The following PCDHGA10 variants were observed in gnomAD, a reference collection of about 807,000 sequenced individuals.
PCDHGA10 encodes the protein protocadherin gamma subfamily A, 10.
PCDHGA10 carries 42 observed loss-of-function variants against 59.5 expected under a neutral mutation model. The observed-to-expected ratio is 0.71, with a 90% CI of 0.55 to 0.91. The LOEUF (loss-of-function observed/expected upper bound fraction) is 0.91, where lower values mean the gene tolerates loss of function less well. Ranked by LOEUF, PCDHGA10 falls within the 40% of genes least tolerant of loss-of-function variation. The probability of loss-of-function intolerance (pLI) is 0.00; values close to 1 mark genes in which losing one functional copy is unlikely to be tolerated. For synonymous variants in PCDHGA10, 511 were observed against 517.2 expected (o/e 0.99, Z 0.16); for missense variants, 1,111 against 1,198.2 (o/e 0.93, Z 1.07).
Position 141,431,732 on chromosome 5 carries a change from G to C in PCDHGA10, c.2436+16121G>C. 1 of 1,614,238 alleles carries C rather than the reference G, an allele frequency of 6.2e-7. No individual in the cohort carries two copies. Among genetic ancestry groups the C allele is most frequent in the Non-Finnish European group, 8.5e-7 (1 of 1,180,046 alleles). On this transcript the variant is annotated intron_variant, in intron 1 of 3. Coordinates refer to ENST00000398610, the MANE Select transcript of PCDHGA10 (RefSeq NM_018913.3). The surrounding 1 kb of genome is among the most constrained non-coding windows in gnomAD (Gnocchi z 4.8). ...GATGGAAGTGCAAGCAATGGATAAT[G>C]CAGGATATTCTGCGCGAGCCAAAGT...
chr5:141,474,628 A>C (rs1169097645), intron 1 of PCDHGA10, among the ~76,000 whole-genome samples: 1 of 152,234 alleles, frequency 6.6e-6, no homozygotes, highest in Non-Finnish European at 1.5e-5. Flanking sequence ...TCTCTTCCGG[A>C]AATATCCTAT....
intron 1 of PCDHGA10, among the ~76,000 whole-genome samples, chr5:141,473,267 C>G (rs1458810488): frequency 1.3e-5 from 2 of 152,248 alleles, no homozygotes; most frequent in African/African-American, 2.4e-5. Flanking sequence ...TTAGTGTATG[C>G]TATGATTATT....
Position 141,418,145 on chromosome 5 carries a change from T to C in PCDHGA10, c.2436+2534T>C, listed in dbSNP as rs1329322927. On this transcript the variant is annotated intron_variant, in intron 1 of 3. Coordinates refer to ENST00000398610, the MANE Select transcript of PCDHGA10 (RefSeq NM_018913.3). ...GGACCGAATAGACCGTGAGCAAATATGCAAAGAGAGAAGAAGATGTGAGTT... is the reference window on the plus strand; with the variant it reads ...GGACCGAATAGACCGTGAGCAAATACGCAAAGAGAGAAGAAGATGTGAGTT... The C allele has an allele frequency of 5.6e-6, 9 of 1,613,934 alleles. No homozygotes were observed. In the African/African-American group the frequency reaches 8.0e-5, roughly 14 times the overall value.
rs751560177 is a variant in PCDHGA10 at position 141,432,962 on chromosome 5, G to T, written c.2436+17351G>T. 7 of 1,614,092 alleles carry T rather than the reference G, an allele frequency of 4.3e-6. No individual in the cohort carries two copies. The highest frequency in any genetic ancestry group is 5.9e-6 in the Non-Finnish European group (7 of 1,180,046). Reference sequence around the variant, plus strand: ...GGCTTCAGGAGGCGGCTTGACAGGAGCGCCGGCGTCGCACTTTGTGGGCGT... The same window carrying T: ...GGCTTCAGGAGGCGGCTTGACAGGATCGCCGGCGTCGCACTTTGTGGGCGT... On this transcript the variant is annotated intron_variant, in intron 1 of 3. Transcript: ENST00000398610. The surrounding 1 kb of genome is among the most constrained non-coding windows in gnomAD (Gnocchi z 6.0).
Position 141,432,292 on chromosome 5 carries a change from T to G in PCDHGA10, c.2436+16681T>G. 6.2e-7 allele frequency: 1 copy of G among 1,614,196 alleles called. No homozygotes were observed. The highest frequency in any genetic ancestry group is 8.5e-7 in the Non-Finnish European group (1 of 1,180,042). On this transcript the variant is annotated intron_variant, in intron 1 of 3. Transcript: ENST00000398610. This position sits in a 1 kb window ranked among gnomAD's most constrained non-coding sequence, Gnocchi z 6.0. Reference sequence around the variant, plus strand: ...CCTACGTGTCCATCAACTCCGACACTGGGGTACTGTATGCGCTGAGCTCCT... The same window carrying G: ...CCTACGTGTCCATCAACTCCGACACGGGGGTACTGTATGCGCTGAGCTCCT...
intron 1 of PCDHGA10, chr5:141,415,955 G>A: frequency 8.5e-6 from 4 of 472,662 alleles, no homozygotes; most frequent in Non-Finnish European, 1.3e-5. Context: ...GTCACATATT[G>A]AAACTCCAGC....
intron 3 of PCDHGA10, among the ~76,000 whole-genome samples, chr5:141,509,320 C>A (rs1261653347): frequency 6.6e-6 from 1 of 152,194 alleles, no homozygotes; most frequent in Non-Finnish European, 1.5e-5. Flanking sequence ...GGGAGAGAAG[C>A]TCTACTGCCA....
rs1021096537 is a variant in PCDHGA10, at chr5:141,511,383, T to C, written c.*210T>C. 2 of 1,155,330 alleles carry C rather than the reference T, an allele frequency of 1.7e-6. No homozygotes were observed. Among genetic ancestry groups the C allele is most frequent in the Non-Finnish European group, 2.4e-6 (2 of 841,000 alleles). The allele number at this position is 1,155,330 out of a possible 1,614,324, so 71.6% of individuals were successfully genotyped here. ...GTTGAATATGCAAAAGCAGTTCCGC[T>C]GGGAACCCCCATCCAATCAACTGCT... is the stretch of plus-strand genomic sequence containing the variant. On this transcript the variant is annotated 3_prime_UTR_variant, in exon 4 of 4. Transcript: ENST00000398610.
chr5:141,494,906 A>T, intron 2 of PCDHGA10, 41 bp downstream of exon 2: 1 of 1,613,800 alleles, frequency 6.2e-7, no homozygotes, highest in Non-Finnish European at 8.5e-7. Flanking sequence ...TCTCTGCGGC[A>T]TTTTCTCAGG....
rs914956962 is a variant in PCDHGA10, at chr5:141,420,736, A to G, written c.2436+5125A>G. Among the ~76,000 whole-genome samples, 4 of 152,370 alleles carry G rather than the reference A, an allele frequency of 2.6e-5. No individual in the cohort carries two copies. In the East Asian group the frequency reaches 7.7e-4, roughly 29 times the overall value. On this transcript the variant is annotated intron_variant, in intron 1 of 3. Coordinates refer to ENST00000398610, the MANE Select transcript of PCDHGA10 (RefSeq NM_018913.3). ...TCGTTCCTTTCAGTCGGTTAAAATC[A>G]ATTGGAACCAACTACAACCTACAAG...
chr5:141,429,910 T>C (rs2097252047), intron 1 of PCDHGA10, among the ~76,000 whole-genome samples: 1 of 152,230 alleles, frequency 6.6e-6, no homozygotes, highest in East Asian at 1.9e-4. Context: ...TTTTGAAATA[T>C]AATGTATTAA....
rs750214310 is a variant in PCDHGA10 at position 141,432,447 on chromosome 5, T to C, written c.2436+16836T>C. 1 of 1,614,202 alleles carries C rather than the reference T, an allele frequency of 6.2e-7. No homozygotes were observed. Among genetic ancestry groups the C allele is most frequent in the South Asian group, 1.1e-5 (1 of 91,072 alleles). ...CAGAACGACAATGCGCCCGAGATCCTGTACCCCGCCCTCCCCACGGACGGT... is the reference window on the plus strand; with the variant it reads ...CAGAACGACAATGCGCCCGAGATCCCGTACCCCGCCCTCCCCACGGACGGT... On this transcript the variant is annotated intron_variant, in intron 1 of 3. Coordinates refer to ENST00000398610, the MANE Select transcript of PCDHGA10 (RefSeq NM_018913.3). This position sits in a 1 kb window ranked among gnomAD's most constrained non-coding sequence, Gnocchi z 6.0.
At chr5:141,418,802 T>C in intron 1 of PCDHGA10, 1 of 1,613,862 alleles carries the variant, frequency 6.2e-7, no homozygotes, top group Non-Finnish European at 8.5e-7. Flanking sequence ...AGTAGAAAGA[T>C]ATACGATAAA....
chr5:141,427,776 G>A (rs3828681), intron 1 of PCDHGA10: 73,622 of 1,424,156 alleles, frequency 0.052, 2,339 homozygotes, highest in African/African-American at 0.13. Flanking sequence ...GGAGCTGCGG[G>A]CACTGTCGTC....
Position 141,481,556 on chromosome 5 carries a change from G to A in PCDHGA10, c.2437-13251G>A, listed in dbSNP as rs553126587. Among the ~76,000 whole-genome samples the A allele has an allele frequency of 1.2e-4, 18 of 152,266 alleles. No homozygotes were observed. The South Asian group carries it at 1.4e-3, about 12-fold the overall frequency. On this transcript the variant is annotated intron_variant, in intron 1 of 3. Coordinates refer to ENST00000398610, the MANE Select transcript of PCDHGA10 (RefSeq NM_018913.3). ...GATGGGGCTGGGCTCAGTGGCTCAC[G>A]CCTGTAATCCCAGTACTTAGGGAGG...
intron 1 of PCDHGA10, among the ~76,000 whole-genome samples, chr5:141,458,065 G>A (rs55848374): frequency 0.098 from 14,910 of 152,232 alleles, 965 homozygotes; most frequent in Non-Finnish European, 0.14. Flanking sequence ...GCACTGATGC[G>A]AACAACTATA....
intron 1 of PCDHGA10, among the ~76,000 whole-genome samples, chr5:141,492,409 C>G (rs1367119266): frequency 6.6e-6 from 1 of 152,230 alleles, no homozygotes; most frequent in Non-Finnish European, 1.5e-5. Flanking sequence ...TCCCCTCTGC[C>G]GCTCCCTCCG....
intron 3 of PCDHGA10, among the ~76,000 whole-genome samples, chr5:141,508,624 G>A (rs552418899): frequency 3.3e-5 from 5 of 152,256 alleles, no homozygotes; most frequent in African/African-American, 9.6e-5. Context: ...TGGGTGGGCC[G>A]AGCTTCTAGC....
At chr5:141,428,489 T>C (rs2097142285) in intron 1 of PCDHGA10, 1 of 312,516 alleles carries the variant, frequency 3.2e-6, no homozygotes. Context: ...TCCTGCAATC[T>C]GTATGTTCCC....
Sources: gnomAD v4.1 joint callset for allele counts (sites outside exome capture counted in the v4.1 genomes callset) on GRCh38, gnomAD v4.1.1 for gene constraint, Gnocchi (gnomAD v3.1) non-coding constraint, MANE v1.5 for transcripts, NCBI Gene and HGNC (gene_info 2026-07-23, HGNC 2026-07-21) for gene names.